Variants in SMAP1 observed in about 807,000 individuals in gnomAD.
SMAP1 encodes the protein small ArfGAP 1, also known as stromal membrane-associated protein 1.
Under a neutral mutation model 58.5 loss-of-function variants are expected in SMAP1, and 24 were observed. The observed-to-expected ratio is 0.41, with a 90% CI of 0.30 to 0.58. The LOEUF (loss-of-function observed/expected upper bound fraction) is 0.58, where lower values mean the gene tolerates loss of function less well. SMAP1 is among the 20% of genes least tolerant of loss of function. The pLI, the probability that SMAP1 is intolerant of heterozygous loss-of-function variation, is 0.29. For missense variants in SMAP1, 563 were observed against 566.3 expected (o/e 0.99, Z 0.06); for synonymous variants, 216 against 196.6 (o/e 1.10, Z -0.82).
chr6:70,832,540 CAGTT>C (rs1770404617), intron 6 of SMAP1, among the ~76,000 whole-genome samples: 1 of 152,142 alleles, frequency 6.6e-6, no homozygotes, highest in African/African-American at 2.4e-5. Context: ...TATTCCATCT[CAGTT>C]TGTTTTGTGC....
intron 4 of SMAP1, among the ~76,000 whole-genome samples, chr6:70,779,161 G>C (rs1001257761): frequency 1.1e-4 from 17 of 152,236 alleles, no homozygotes; most frequent in African/African-American, 3.9e-4. Flanking sequence ...ACTCCCTGAT[G>C]TGCAAGACTG....
At chr6:70,794,788 C>CTTT (rs34050089) in intron 5 of SMAP1, among the ~76,000 whole-genome samples, 4 of 114,986 alleles carry the variant, frequency 3.5e-5, no homozygotes, top group African/African-American at 1.4e-4. Flanking sequence ...ATTTTCTTTT[C>CTTT]TTTTTTTTTT....
At chr6:70,697,724 AT>A (rs1767468158) in intron 1 of SMAP1, among the ~76,000 whole-genome samples, 1 of 152,194 alleles carries the variant, frequency 6.6e-6, no homozygotes, top group African/African-American at 2.4e-5. Flanking sequence ...AGGCTTGCAA[AT>A]AACGTAATCC....
At chr6:70,737,058 A>G (rs192976878) in intron 2 of SMAP1, among the ~76,000 whole-genome samples, 2 of 152,354 alleles carry the variant, frequency 1.3e-5, no homozygotes, top group East Asian at 3.9e-4. Context: ...TGGCTGTACC[A>G]GACAGTTCTT....
intron 1 of SMAP1, among the ~76,000 whole-genome samples, chr6:70,692,946 G>T (rs1330485887): frequency 6.6e-6 from 1 of 152,016 alleles, no homozygotes; most frequent in African/African-American, 2.4e-5. Context: ...ACCATGCCCG[G>T]CTAATTTTTT....
intron 6 of SMAP1, 71 bp downstream of exon 6, chr6:70,798,808 T>C: frequency 8.6e-7 from 1 of 1,159,266 alleles, no homozygotes; most frequent in Non-Finnish European, 1.2e-6. Flanking sequence ...ATTAATGACT[T>C]TCTGGATATT....
At chr6:70,733,686 C>T (rs968485414) in intron 2 of SMAP1, among the ~76,000 whole-genome samples, 3 of 152,142 alleles carry the variant, frequency 2.0e-5, no homozygotes, top group Admixed American at 1.3e-4. Flanking sequence ...GATGTTGTAA[C>T]TCTTTTTCAA....
intron 2 of SMAP1, among the ~76,000 whole-genome samples, chr6:70,741,761 C>T (rs753538162): frequency 2.0e-5 from 3 of 152,186 alleles, no homozygotes; most frequent in Admixed American, 2.0e-4. Flanking sequence ...TCCATGAGGG[C>T]CCCACCCCTG....
At chr6:70,774,130 T>G (rs539890147) in intron 4 of SMAP1, among the ~76,000 whole-genome samples, 1 of 152,310 alleles carries the variant, frequency 6.6e-6, no homozygotes, top group African/African-American at 2.4e-5. Flanking sequence ...CCATATTACC[T>G]AAGTATGTAG....
At chr6:70,726,942 A>G (rs1768816491) in intron 1 of SMAP1, among the ~76,000 whole-genome samples, 1 of 151,320 alleles carries the variant, frequency 6.6e-6, no homozygotes, top group Non-Finnish European at 1.5e-5. Flanking sequence ...TTTAAATAAA[A>G]AGCTTAGCAG....
chr6:70,731,543 C>G (rs1238095069), intron 1 of SMAP1, among the ~76,000 whole-genome samples: 1 of 152,204 alleles, frequency 6.6e-6, no homozygotes, highest in Non-Finnish European at 1.5e-5. Flanking sequence ...TTTCCCTGAT[C>G]ACATCCTCTT....
At chr6:70,761,247 A>G (rs1476013313) in intron 3 of SMAP1, among the ~76,000 whole-genome samples, 3 of 152,056 alleles carry the variant, frequency 2.0e-5, no homozygotes, top group Non-Finnish European at 4.4e-5. Flanking sequence ...TTTTGGGGAC[A>G]GGGAGAATTA....
At chr6:70,808,405 G>C (rs1050754207) in intron 6 of SMAP1, among the ~76,000 whole-genome samples, 13 of 152,192 alleles carry the variant, frequency 8.5e-5, no homozygotes, top group Non-Finnish European at 1.6e-4. Flanking sequence ...GTAAGTGAAT[G>C]TGTTCCATGA....
At chr6:70,797,372 G>A (rs1768648015) in intron 5 of SMAP1, among the ~76,000 whole-genome samples, 1 of 152,060 alleles carries the variant, frequency 6.6e-6, no homozygotes, top group African/African-American at 2.4e-5. Context: ...CTATCACTGT[G>A]TAATGAATAT....
chr6:70,860,404 G>GTTTATTCATATGCATATTTTTTTTCTTTT lies in SMAP1; in HGVS notation c.*72_*100dup. 1 of 1,525,654 alleles carries GTTTATTCATATGCATATTTTTTTTCTTTT rather than the reference G, an allele frequency of 6.6e-7. No individual in the cohort carries two copies. The highest frequency in any genetic ancestry group is 1.3e-5 in the South Asian group (1 of 76,270). 94.5% of individuals were successfully genotyped at this position (1,525,654 alleles called of 1,614,324 possible). ...TTGCTGAAACGCATCTAGTTCCCCTGTTTATTCATATGCATATTTTTTTTC... is the reference window on the plus strand; with the variant it reads ...TTGCTGAAACGCATCTAGTTCCCCTGTTTATTCATATGCATATTTTTTTTCTTTTTTTATTCATATGCATATTTTTTTTC... On this transcript the variant is annotated 3_prime_UTR_variant, in exon 11 of 11. Transcript: ENST00000370455.
chr6:70,744,058 G>A (rs9455215), intron 2 of SMAP1, among the ~76,000 whole-genome samples: 77,092 of 151,884 alleles, frequency 0.51, 19,921 homozygotes, highest in African/African-American at 0.56. Context: ...AGTTTTTTTG[G>A]AAATGGCATA....
intron 2 of SMAP1, among the ~76,000 whole-genome samples, chr6:70,748,893 T>C (rs548212962): frequency 8.9e-4 from 135 of 152,232 alleles, no homozygotes; most frequent in East Asian, 6.0e-3. Context: ...TATATATATA[T>C]ACACAGACTT....
chr6:70,852,571 G>A lies in SMAP1; in HGVS notation c.696G>A (p.Gly232=), dbSNP rs1229998848. 2.5e-6 allele frequency: 4 copies of A among 1,606,900 alleles called. No homozygotes were observed. The highest frequency in any genetic ancestry group is 2.5e-6 in the Non-Finnish European group (3 of 1,176,562). The change falls in exon 8 of 11, where the codon GGG becomes GGA. Residue 232 remains glycine (G), a synonymous_variant. Coordinates refer to ENST00000370455, the MANE Select transcript of SMAP1 (RefSeq NM_001044305.3). ...CTGCTGTGGCACCAGTGACCAACGG[G>A]AACACAACGGTGCCACCCCTGAACG... is the stretch of plus-strand genomic sequence containing the variant. ...DGPAVAPVTN[G]NTTVPPLNDD...
chr6:70,680,491 A>G (rs1446463953), intron 1 of SMAP1, among the ~76,000 whole-genome samples: 1 of 152,218 alleles, frequency 6.6e-6, no homozygotes, highest in Non-Finnish European at 1.5e-5. Context: ...AAGCACTTGA[A>G]TGTTCATAGC....
Sources: gnomAD v4.1 joint callset for allele counts (sites outside exome capture counted in the v4.1 genomes callset) on GRCh38, gnomAD v4.1.1 for gene constraint, MANE v1.5 for transcripts, NCBI Gene and HGNC (gene_info 2026-07-23, HGNC 2026-07-21) for gene names.